PIK3C2G: variants seen among roughly 807,000 people sequenced by gnomAD.
PIK3C2G encodes phosphatidylinositol 3-kinase C2 domain-containing subunit gamma.
PIK3C2G carries 168 observed loss-of-function variants against 181.1 expected under a neutral mutation model. The observed-to-expected ratio is 0.93, with a 90% confidence interval of 0.82 to 1.05. PIK3C2G has a LOEUF of 1.05. PIK3C2G is among the 50% of genes least tolerant of loss of function. The pLI is 0.00. For missense variants in PIK3C2G, 1,869 were observed against 1,732.8 expected (o/e 1.08, Z -1.40); for synonymous variants, 573 against 592.2 (o/e 0.97, Z 0.47).
chr12:18,310,707 T>C (rs1950601198), intron 5 of PIK3C2G, among the ~76,000 whole-genome samples: 1 of 150,974 alleles, frequency 6.6e-6, no homozygotes, highest in African/African-American at 2.4e-5. Context: ...TAAAGATAAA[T>C]AGAGAAAGAA....
chr12:18,428,057 G>T (rs749790603), intron 18 of PIK3C2G, among the ~76,000 whole-genome samples: 3 of 151,890 alleles, frequency 2.0e-5, no homozygotes, highest in African/African-American at 7.3e-5. Flanking sequence ...ATTAGTTATT[G>T]TTCCTGATCC....
chr12:18,371,663 A>T lies in PIK3C2G; in HGVS notation c.1880+352A>T, dbSNP rs1198359535. On this transcript the variant is annotated intron_variant, in intron 13 of 32. Coordinates refer to ENST00000538779, the MANE Select transcript of PIK3C2G (RefSeq NM_001288772.2). ...ATTTAGAAAGAATGTAAGTCATGGA[A>T]TTCTGGCTAAAGTAAAATTATACAA... Among the ~76,000 whole-genome samples, 3 of 152,318 alleles carry T rather than the reference A, an allele frequency of 2.0e-5. No individual in the cohort carries two copies. The East Asian group carries it at 5.8e-4, about 29-fold the overall frequency.
At chr12:18,454,077 T>C (rs747185409) in intron 18 of PIK3C2G, among the ~76,000 whole-genome samples, 7 of 151,852 alleles carry the variant, frequency 4.6e-5, no homozygotes, top group Admixed American at 6.6e-5. Context: ...TAGAAATTAG[T>C]CATATTCATT....
Position 18,640,447 on chromosome 12 carries a change from G to A in PIK3C2G, c.4201G>A (p.Ala1401Thr), listed in dbSNP as rs1249431841. 6.2e-7 allele frequency: 1 copy of A among 1,610,358 alleles called. No homozygotes were observed. Among genetic ancestry groups the A allele is most frequent in the Admixed American group, 1.7e-5 (1 of 59,712 alleles). ...MKNIHLPDGS[A>T]PSAHVEFYLL... ...TTTGCAGCATCTCCCAGATGGCTCT[G>A]CGCCCAGTGCACATGTTGAATTTTA... Residue 1401 changes from alanine (A) to threonine (T), a missense_variant, in exon 32 of 33, where the codon GCG becomes ACG. Ala to Thr is a moderately conservative substitution (Grantham distance 58, BLOSUM62 0). Coordinates refer to ENST00000538779, the MANE Select transcript of PIK3C2G (RefSeq NM_001288772.2).
chr12:18,607,188 T>A, intron 30 of PIK3C2G: 1 of 515,826 alleles, frequency 1.9e-6, no homozygotes, highest in South Asian at 1.4e-5. Flanking sequence ...AAGGTAGAAG[T>A]TCAATAGACA....
At chr12:18,503,573 A>G (rs1281170766) in intron 23 of PIK3C2G, among the ~76,000 whole-genome samples, 156 bp downstream of exon 23, 1 of 152,202 alleles carries the variant, frequency 6.6e-6, no homozygotes, top group East Asian at 1.9e-4. Flanking sequence ...TTTAAATGAT[A>G]TATTAACTAC....
chr12:18,281,993 G>T lies in PIK3C2G; in HGVS notation c.-78-11G>T. The T allele has an allele frequency of 1.4e-5, 10 of 723,618 alleles. No homozygotes were observed. Among genetic ancestry groups the T allele is most frequent in the South Asian group, 4.2e-5 (2 of 47,544 alleles). The allele number at this position is 723,618 out of a possible 1,614,324, so 44.8% of individuals were successfully genotyped here. On this transcript the variant is annotated splice_polypyrimidine_tract_variant and intron_variant, in intron 1 of 32. Coordinates refer to ENST00000538779, the MANE Select transcript of PIK3C2G (RefSeq NM_001288772.2). ...TTCAATATATTTTCTTTCATTTTAT[G>T]CTTTTTCTAGGAAAATTTCTATCTT...
chr12:18,691,400 A>G, the PIK3C2G span, among the ~76,000 whole-genome samples: 1 of 152,158 alleles, frequency 6.6e-6, no homozygotes, highest in South Asian at 2.1e-4. Flanking sequence ...ATCATGTCCA[A>G]TTAAAGACTT....
chr12:18,297,769 T>C (rs1048989132), intron 5 of PIK3C2G, among the ~76,000 whole-genome samples: 2 of 152,018 alleles, frequency 1.3e-5, no homozygotes, highest in Non-Finnish European at 2.9e-5. Context: ...TTCCCACATA[T>C]GAGTAAGAAT....
At chr12:18,650,052 A>G (rs1448321967), downstream of PIK3C2G, among the ~76,000 whole-genome samples, 1 of 152,008 alleles carries the variant, frequency 6.6e-6, no homozygotes, top group Non-Finnish European at 1.5e-5. Context: ...TCCCAGTTTT[A>G]TAACTCCAGC....
intron 31 of PIK3C2G, among the ~76,000 whole-genome samples, chr12:18,638,842 C>A (rs1346733663): frequency 6.6e-6 from 1 of 150,818 alleles, no homozygotes; most frequent in Admixed American, 6.6e-5. Flanking sequence ...GTTTTACCCA[C>A]TAAGTTGCAG....
intron 9 of PIK3C2G, among the ~76,000 whole-genome samples, chr12:18,342,680 G>A (rs892165956): frequency 2.0e-5 from 3 of 151,762 alleles, no homozygotes; most frequent in African/African-American, 7.3e-5. Flanking sequence ...AGCCACCAAA[G>A]TAATTCTAGG....
chr12:18,354,682 T>C (rs1397451712), intron 11 of PIK3C2G, among the ~76,000 whole-genome samples: 6 of 152,218 alleles, frequency 3.9e-5, no homozygotes, highest in South Asian at 4.1e-4. Context: ...TGCAAAGGGC[T>C]AATAGGCATT....
chr12:18,518,874 C>G (rs918773945), intron 24 of PIK3C2G, among the ~76,000 whole-genome samples: 1 of 152,170 alleles, frequency 6.6e-6, no homozygotes, highest in Non-Finnish European at 1.5e-5. Context: ...ATATTTAGTG[C>G]TATAAATTTC....
the PIK3C2G span, among the ~76,000 whole-genome samples, chr12:18,661,963 T>C: frequency 2.6e-5 from 4 of 152,280 alleles, no homozygotes; most frequent in South Asian, 8.3e-4. Context: ...TCATATCATT[T>C]GCAGAAACAT....
the PIK3C2G span, chr12:18,694,215 C>G: frequency 1.6e-6 from 1 of 621,660 alleles, no homozygotes; most frequent in South Asian, 2.1e-5. Flanking sequence ...ATTAGCAAAA[C>G]ATCCTGTGTC....
intron 13 of PIK3C2G, among the ~76,000 whole-genome samples, chr12:18,374,182 G>T (rs1247079883): frequency 6.6e-5 from 10 of 152,066 alleles, no homozygotes; most frequent in Admixed American, 5.2e-4. Context: ...TAATTTGATT[G>T]GTCTGTGACC....
chr12:18,331,094 T>A (rs1937911003), intron 8 of PIK3C2G, among the ~76,000 whole-genome samples: 1 of 152,174 alleles, frequency 6.6e-6, no homozygotes, highest in African/African-American at 2.4e-5. Flanking sequence ...TTCATAAATC[T>A]ATGTCTATCC....
intron 26 of PIK3C2G, among the ~76,000 whole-genome samples, chr12:18,548,274 GAATGC>G (rs775415147): frequency 6.6e-6 from 1 of 152,006 alleles, no homozygotes; most frequent in Non-Finnish European, 1.5e-5. Context: ...TAGAAAAAAG[GAATGC>G]AAAGTTGGAC....
Sources: allele counts gnomAD v4.1 joint callset (sites outside exome capture counted in the v4.1 genomes callset), GRCh38; gene constraint gnomAD v4.1.1; transcripts MANE v1.5; gene names NCBI Gene and HGNC (gene_info 2026-07-23, HGNC 2026-07-21).